Variants in ROS1 observed in about 807,000 individuals in gnomAD.
ROS1 encodes the protein proto-oncogene tyrosine-protein kinase ROS.
Under a neutral mutation model 273.5 loss-of-function variants are expected in ROS1, and 263 were observed. The ratio of observed to expected loss-of-function variants is 0.96; its 90% CI spans 0.87 to 1.06. The LOEUF is 1.06. Among genes scored for constraint, ROS1 ranks in the 50% least tolerant of loss-of-function variants. The pLI is 0.00. For synonymous variants in ROS1, 1,008 were observed against 954.1 expected, an observed-to-expected ratio of 1.06 and a Z score of -1.04; for missense variants, 2,833 against 2,751.1, an observed-to-expected ratio of 1.03 and a Z score of -0.67.
At chr6:117,410,816 A>G (rs559773057) in intron 4 of ROS1, among the ~76,000 whole-genome samples, 1 of 152,334 alleles carries the variant, frequency 6.6e-6, no homozygotes, top group South Asian at 2.1e-4. Context: ...GGTGCCTGAT[A>G]AGCCCAGGTT....
chr6:117,320,591 T>C (rs1207999344), intron 36 of ROS1, among the ~76,000 whole-genome samples: 1 of 152,150 alleles, frequency 6.6e-6, no homozygotes, highest in Non-Finnish European at 1.5e-5. Context: ...TAATAGAGAA[T>C]CTTGAGTAGC....
chr6:117,306,029 A>C (rs1775070783), intron 42 of ROS1, among the ~76,000 whole-genome samples: 1 of 101,452 alleles, frequency 9.9e-6, no homozygotes, highest in Non-Finnish European at 1.9e-5. Context: ...CTTCTCCTCA[A>C]GTTTTTTTTT....
chr6:117,374,384 C>A (rs985425932), intron 18 of ROS1, among the ~76,000 whole-genome samples: 3 of 152,072 alleles, frequency 2.0e-5, no homozygotes, highest in East Asian at 1.9e-4. Flanking sequence ...GAAAGGATAC[C>A]CTATTCAACA....
intron 22 of ROS1, among the ~76,000 whole-genome samples, chr6:117,360,758 AG>A (rs755593220): frequency 1.5e-4 from 23 of 152,146 alleles, no homozygotes; most frequent in Non-Finnish European, 2.9e-4. Flanking sequence ...ACATTTATTA[AG>A]TCATGTTGTA....
At chr6:117,414,469 A>T (rs549112148) in intron 4 of ROS1, 50 bp downstream of exon 4, 1 of 732,024 alleles carries the variant, frequency 1.4e-6, no homozygotes, top group Admixed American at 2.3e-5. Flanking sequence ...TAGAGACCAG[A>T]GATGAAGACA....
chr6:117,321,446 T>C, intron 35 of ROS1, 52 bp from the exon 36 acceptor site: 1 of 1,506,268 alleles, frequency 6.6e-7, no homozygotes, highest in Non-Finnish European at 9.0e-7. Context: ...GCTTCTTTTT[T>C]CCTTTAGGAA....
chr6:117,357,820 C>G lies in ROS1; in HGVS notation c.3823G>C (p.Val1275Leu). ...TTTACATACCTTAAAAGAGGATATA[C>G]AGAAAAAGAAATTATTGTTGAATTC... ...NRNSTIISFSVYPLLSRLYWT... is the reference protein window; with the variant it reads ...NRNSTIISFSLYPLLSRLYWT... Residue 1275 changes from valine (V) to leucine (L), a missense_variant, in exon 25 of 44, where the codon GTA becomes CTA. Coordinates refer to ENST00000368507, the MANE Select transcript of ROS1 (RefSeq NM_001378902.1). 1.9e-6 allele frequency: 3 copies of G among 1,607,904 alleles called. No individual in the cohort carries two copies. Among genetic ancestry groups the G allele is most frequent in the Non-Finnish European group, 2.6e-6 (3 of 1,175,582 alleles).
intron 42 of ROS1, among the ~76,000 whole-genome samples, chr6:117,307,743 CA>C (rs1263500152): frequency 6.6e-6 from 1 of 152,096 alleles, no homozygotes; most frequent in African/African-American, 2.4e-5. Context: ...AAACATTCAC[CA>C]GTAGAACATC....
At chr6:117,418,318 T>A (rs971446393) in intron 2 of ROS1, 144 bp downstream of exon 2, 5 of 643,172 alleles carry the variant, frequency 7.8e-6, no homozygotes, top group Non-Finnish European at 1.3e-5. Flanking sequence ...AATTCAGACT[T>A]CTCATTATTT....
At chr6:117,369,410 A>G (rs532214655) in intron 18 of ROS1, among the ~76,000 whole-genome samples, 69 of 152,140 alleles carry the variant, frequency 4.5e-4, no homozygotes, top group African/African-American at 1.6e-3. Context: ...CGTCTCTACT[A>G]AAAAATACAA....
intron 32 of ROS1, among the ~76,000 whole-genome samples, chr6:117,330,401 C>G (rs1374915393): frequency 6.6e-6 from 1 of 152,232 alleles, no homozygotes; most frequent in Non-Finnish European, 1.5e-5. Flanking sequence ...CCTGGTAGTT[C>G]TGAGGAATCT....
At chr6:117,389,014 G>A (rs768792889) in intron 13 of ROS1, among the ~76,000 whole-genome samples, 12 of 152,114 alleles carry the variant, frequency 7.9e-5, no homozygotes, top group Non-Finnish European at 1.6e-4. Flanking sequence ...TGAAATTCAT[G>A]CAAGCTTTCA....
intron 18 of ROS1, among the ~76,000 whole-genome samples, chr6:117,371,692 G>A (rs1388676629): frequency 1.3e-5 from 2 of 152,218 alleles, no homozygotes; most frequent in Non-Finnish European, 2.9e-5. Flanking sequence ...GTAACCTGCG[G>A]CAAGTTCTTA....
chr6:117,412,555 T>C (rs1167288785), intron 4 of ROS1, among the ~76,000 whole-genome samples: 2 of 151,616 alleles, frequency 1.3e-5, no homozygotes, highest in African/African-American at 4.9e-5. Flanking sequence ...TTCCTAAAGG[T>C]GTGGATAACT....
chr6:117,363,952 A>G (rs1359276857), intron 21 of ROS1, among the ~76,000 whole-genome samples: 1 of 152,168 alleles, frequency 6.6e-6, no homozygotes, highest in Non-Finnish European at 1.5e-5. Flanking sequence ...GTCAATTTGG[A>G]TAATTTCCTG....
At position 117,397,852 on chromosome 6, in the gene ROS1, A is replaced by G. The variant is rs531892788; in HGVS notation, c.605-736T>C. ...ATCTGTGTCTCCACCTGCTTTTCAAACCAAACCCCTAAAACCAGACTCTTT... is the reference window on the plus strand; with the variant it reads ...ATCTGTGTCTCCACCTGCTTTTCAAGCCAAACCCCTAAAACCAGACTCTTT... On this transcript the variant is annotated intron_variant, in intron 7 of 43. Transcript: ENST00000368507. Among the ~76,000 whole-genome samples the G allele has an allele frequency of 3.9e-5, 6 of 152,284 alleles. No individual in the cohort carries two copies. In the East Asian group the frequency reaches 1.2e-3, roughly 29 times the overall value.
chr6:117,368,647 T>C (rs1780472448), intron 18 of ROS1, among the ~76,000 whole-genome samples: 1 of 152,176 alleles, frequency 6.6e-6, no homozygotes, highest in African/African-American at 2.4e-5. Context: ...TAACTTGTGG[T>C]AAATTTTAAA....
Position 117,366,075 on chromosome 6 carries a change from C to T in ROS1, c.2797+1G>A, listed in dbSNP as rs758658933. ...GGGTAAGCAGGAATGAAATACTGTA[C>T]CTGGCAGGGGCTTAAGGGATGTCTG... On this transcript the variant is annotated splice_donor_variant, in intron 19 of 43. Transcript: ENST00000368507. LOFTEE classifies it high-confidence loss of function. The T allele has an allele frequency of 6.2e-6, 10 of 1,609,528 alleles. No homozygotes were observed. Among genetic ancestry groups the T allele is most frequent in the Middle Eastern group, 1.7e-4 (1 of 6,056 alleles).
chr6:117,382,891 A>C (rs1772267632), intron 17 of ROS1, among the ~76,000 whole-genome samples: 1 of 152,166 alleles, frequency 6.6e-6, no homozygotes, highest in Non-Finnish European at 1.5e-5. Context: ...TCATTTGCCT[A>C]GTTTTTAGAA....
Sources: allele counts gnomAD v4.1 joint callset (sites outside exome capture counted in the v4.1 genomes callset), GRCh38; gene constraint gnomAD v4.1.1; transcripts MANE v1.5; gene names NCBI Gene and HGNC (gene_info 2026-07-23, HGNC 2026-07-21).